Variants in CSGALNACT2 observed in about 807,000 individuals in gnomAD.
CSGALNACT2 encodes the protein chondroitin sulfate N-acetylgalactosaminyltransferase 2, also known as beta 4 GalNAcT-2.
CSGALNACT2 carries 35 observed loss-of-function variants against 55.3 expected under a neutral mutation model. The ratio of observed to expected loss-of-function variants is 0.63; its 90% CI spans 0.48 to 0.84. CSGALNACT2 has a LOEUF of 0.84. Among genes scored for constraint, CSGALNACT2 ranks in the 40% least tolerant of loss-of-function variants. CSGALNACT2 has a pLI of 0.00. For missense variants in CSGALNACT2, 544 were observed against 657.5 expected, an observed-to-expected ratio of 0.83 and a Z score of 1.89; for synonymous variants, 196 against 224.9, an observed-to-expected ratio of 0.87 and a Z score of 1.15.
rs1037655344 is a variant in CSGALNACT2 at position 43,138,470 on chromosome 10, G to A, written c.-351G>A. ...CTCTCAGGCGCGGCGGCGCGCCCGG[G>A]GGTGGGTGGCTGAGGCGGCGGCGGG... is the stretch of plus-strand genomic sequence containing the variant. On this transcript the variant is annotated 5_prime_UTR_variant, in exon 1 of 8. Transcript: ENST00000374466. The A allele has an allele frequency of 1.3e-5, 2 of 151,134 alleles. No homozygotes were observed. The highest frequency in any genetic ancestry group is 4.8e-5 in the African/African-American group (2 of 41,290). 9.4% of individuals were successfully genotyped at this position (151,134 alleles called of 1,614,324 possible).
chr10:43,143,493 ATGTGTGTGTGTGTGTGTGTGTG>A (rs3983257), intron 1 of CSGALNACT2, among the ~76,000 whole-genome samples: 2 of 141,874 alleles, frequency 1.4e-5, no homozygotes, highest in South Asian at 2.4e-4. Flanking sequence ...CTCTCCAAAA[ATGTGTGTGTGTGTGTGTGTGTG>A]TGTGTGTGTG....
chr10:43,180,873 G>A (rs2133159363), intron 7 of CSGALNACT2, among the ~76,000 whole-genome samples: 1 of 152,316 alleles, frequency 6.6e-6, no homozygotes, highest in South Asian at 2.1e-4. Context: ...ATGACTAGAA[G>A]GGGCTCTAGT....
intron 1 of CSGALNACT2, among the ~76,000 whole-genome samples, chr10:43,152,395 C>T (rs1838894908): frequency 7.0e-6 from 1 of 142,996 alleles, no homozygotes; most frequent in Non-Finnish European, 1.5e-5. Flanking sequence ...TGAAATCTTT[C>T]ATTTTTAATA....
intron 6 of CSGALNACT2, among the ~76,000 whole-genome samples, chr10:43,173,674 T>G (rs1669989890): frequency 6.6e-6 from 1 of 152,156 alleles, no homozygotes; most frequent in South Asian, 2.1e-4. Flanking sequence ...ATACTTTGTA[T>G]CAGGGTTATA....
chr10:43,159,009 T>C (rs1188816764), intron 3 of CSGALNACT2, 78 bp downstream of exon 3: 1 of 786,594 alleles, frequency 1.3e-6, no homozygotes, highest in Non-Finnish European at 2.1e-6. Flanking sequence ...TTAATTTATC[T>C]TCACCGATTA....
At chr10:43,176,365 C>G (rs1313955097) in intron 7 of CSGALNACT2, among the ~76,000 whole-genome samples, 3 of 152,130 alleles carry the variant, frequency 2.0e-5, no homozygotes, top group Non-Finnish European at 4.4e-5. Context: ...CTGTTGTGCC[C>G]ATGGGTTGTT....
chr10:43,146,978 TTTTTTTTTTTTGTG>T (rs1441596908), intron 1 of CSGALNACT2, among the ~76,000 whole-genome samples: 865 of 1,718 alleles, frequency 0.5, 34 homozygotes, highest in African/African-American at 0.51. Context: ...TTTTTTTTTT[TTTTTTTTTTTTGTG>T]GAGACGGGAG....
chr10:43,145,535 G>C (rs1838728372), intron 1 of CSGALNACT2, among the ~76,000 whole-genome samples: 1 of 150,886 alleles, frequency 6.6e-6, no homozygotes, highest in African/African-American at 2.4e-5. Context: ...AAGTAACCAG[G>C]GCAACATGAA....
chr10:43,150,008 G>C (rs564628672), intron 1 of CSGALNACT2, among the ~76,000 whole-genome samples: 19 of 152,082 alleles, frequency 1.2e-4, no homozygotes, highest in Non-Finnish European at 1.5e-5. Flanking sequence ...CGGAGGTTGC[G>C]GTGAGCTGAG....
chr10:43,166,921 T>G lies in CSGALNACT2; in HGVS notation c.1160-83T>G, dbSNP rs1023721250. ...GATAAAATCATGTATAATAAGACTTTGATAAAACTTAATAGATATTGCAAT... is the reference window on the plus strand; with the variant it reads ...GATAAAATCATGTATAATAAGACTTGGATAAAACTTAATAGATATTGCAAT... On this transcript the variant is annotated intron_variant, in intron 5 of 7. Coordinates refer to ENST00000374466, the MANE Select transcript of CSGALNACT2 (RefSeq NM_018590.5). 4.1e-6 allele frequency: 3 copies of G among 727,422 alleles called. No homozygotes were observed. In the East Asian group the frequency reaches 8.4e-5, roughly 20 times the overall value. 45.1% of individuals were successfully genotyped at this position (727,422 alleles called of 1,614,324 possible).
At chr10:43,146,744 T>TA (rs1188553404) in intron 1 of CSGALNACT2, among the ~76,000 whole-genome samples, 8 of 150,030 alleles carry the variant, frequency 5.3e-5, no homozygotes, top group Non-Finnish European at 1.2e-4. Context: ...TTTTTTTTTT[T>TA]AATAAGAAAA....
In CSGALNACT2 at chr10:43,183,230, T is replaced by A. The variant is rs769926107; in HGVS notation, c.1337-20T>A. The stretch of plus-strand genomic sequence containing the variant: ...GCTAATAATAGGCAGTTATTTATAG[T>A]GTCAATTTTGATCTTACAGGTGGAT... On this transcript the variant is annotated intron_variant, in intron 7 of 7. Transcript: ENST00000374466. The A allele has an allele frequency of 8.8e-6, 14 of 1,587,362 alleles. No individual in the cohort carries two copies. The South Asian group carries it at 1.4e-4, about 16-fold the overall frequency.
chr10:43,179,978 C>T (rs142477705), intron 7 of CSGALNACT2, among the ~76,000 whole-genome samples: 249 of 152,298 alleles, frequency 1.6e-3, no homozygotes, highest in African/African-American at 5.4e-3. Flanking sequence ...TCCTCTCCCC[C>T]GGGGGAAAAA....
chr10:43,174,243 C>T (rs1839437373), intron 6 of CSGALNACT2, among the ~76,000 whole-genome samples: 1 of 152,060 alleles, frequency 6.6e-6, no homozygotes, highest in Non-Finnish European at 1.5e-5. Flanking sequence ...CCAAACTCAT[C>T]CATCAGCTCC....
In CSGALNACT2 at chr10:43,155,156, A is replaced by G. The variant is rs140035071; in HGVS notation, c.7A>G (p.Arg3Gly). 72 of 1,612,026 alleles carry G rather than the reference A, an allele frequency of 4.5e-5. No homozygotes were observed. Among genetic ancestry groups the G allele is most frequent in the Non-Finnish European group, 6.0e-5 (71 of 1,178,344 alleles). MP[R>G]RGLILHTRTH... ...CAAATACACATTAATAAGAATGCCT[A>G]GAAGAGGACTGATTCTTCACACCCG... Residue 3 changes from arginine (R) to glycine (G), a missense_variant, in exon 2 of 8, where the codon AGA becomes GGA. Physicochemically the swap from Arg to Gly is moderately radical, Grantham distance 125. Around this residue, in one of 2 missense-constraint regions of CSGALNACT2, gnomAD observed 374 missense variants for 401.3 expected, o/e 0.93. Coordinates refer to ENST00000374466, the MANE Select transcript of CSGALNACT2 (RefSeq NM_018590.5).
rs1398248467 is a variant in CSGALNACT2, at chr10:43,160,530, C to T, written c.915C>T (p.Leu305=). The stretch of plus-strand genomic sequence containing the variant: ...TTCATCAAGACAAGAAGATTCATCT[C>T]ACAGTGGTGTATTTTGGTAAAGAAG... ...VCIHQDKKIH[L]TVVYFGKEGL... Residue 305 remains leucine (L), a synonymous_variant, in exon 4 of 8, where the codon CTC becomes CTT. Coordinates refer to ENST00000374466, the MANE Select transcript of CSGALNACT2 (RefSeq NM_018590.5). The T allele has an allele frequency of 6.3e-7, 1 of 1,590,842 alleles. No homozygotes were observed. The highest frequency in any genetic ancestry group is 8.6e-7 in the Non-Finnish European group (1 of 1,160,336).
intron 7 of CSGALNACT2, among the ~76,000 whole-genome samples, chr10:43,179,373 C>T (rs1472090469): frequency 7.3e-5 from 11 of 149,942 alleles, no homozygotes; most frequent in African/African-American, 2.7e-4. Context: ...TGATTTCCCT[C>T]TACCACCACG....
chr10:43,144,587 C>T (rs896285813), intron 1 of CSGALNACT2, among the ~76,000 whole-genome samples: 1 of 151,838 alleles, frequency 6.6e-6, no homozygotes, highest in Non-Finnish European at 1.5e-5. Flanking sequence ...TGTTGTTTTA[C>T]AAATGCCTTT....
intron 6 of CSGALNACT2, 51 bp from the exon 7 acceptor site, chr10:43,175,897 ACTT>A: frequency 6.8e-7 from 1 of 1,470,586 alleles, no homozygotes. Context: ...GTTGATTAAA[ACTT>A]CTGCTTCTTA....
Sources: allele counts gnomAD v4.1 joint callset (sites outside exome capture counted in the v4.1 genomes callset), GRCh38; gene constraint gnomAD v4.1.1; regional missense constraint gnomAD v4.1.1; transcripts MANE v1.5; gene names NCBI Gene and HGNC (gene_info 2026-07-23, HGNC 2026-07-21).